Variants in GSTA1 observed in about 807,000 individuals in gnomAD.
GSTA1 encodes glutathione S-transferase A1.
Under a neutral mutation model 21.5 loss-of-function variants are expected in GSTA1, and 23 were observed. The observed-to-expected ratio is 1.07, with a 90% confidence interval of 0.77 to 1.52. GSTA1 has a LOEUF of 1.52. Among genes scored for constraint, GSTA1 ranks in the 40% most tolerant of loss-of-function variants. The probability of loss-of-function intolerance (pLI) is 0.00; values close to 1 mark genes in which losing one functional copy is unlikely to be tolerated. For synonymous variants in GSTA1, 125 were observed against 90.0 expected (o/e 1.39, Z -2.20); for missense variants, 301 against 264.2 (o/e 1.14, Z -0.96).
At chr6:52,803,257 A>T (rs1256691436) in intron 1 of GSTA1, among the ~76,000 whole-genome samples, 1 of 152,152 alleles carries the variant, frequency 6.6e-6, no homozygotes. Context: ...GAGTTGGTAG[A>T]ACTCCAGAGA....
At position 52,796,183 on chromosome 6, in the gene GSTA1, G is replaced by A; in HGVS notation, c.271C>T (p.Leu91=). ...LYGKDIKERA[L]IDMYIEGIAD... is the part of the protein sequence containing the mutation. ...GGAAGAACAGAAAATATACCGTACA[G>A]GGCTCTCTCCTTTATGTCTTTCCCA... Residue 91 remains leucine (L), a splice_region_variant and synonymous_variant, in exon 4 of 7, where the codon CTG becomes TTG. Transcript: ENST00000334575. 6.2e-7 allele frequency: 1 copy of A among 1,613,286 alleles called. No homozygotes were observed. The highest frequency in any genetic ancestry group is 1.3e-5 in the African/African-American group (1 of 74,938).
intron 1 of GSTA1, among the ~76,000 whole-genome samples, chr6:52,801,769 C>A (rs1310992760): frequency 6.6e-6 from 1 of 152,134 alleles, no homozygotes; most frequent in African/African-American, 2.4e-5. Flanking sequence ...TAGTCAATAT[C>A]TAGGGAGTGT....
intron 1 of GSTA1, among the ~76,000 whole-genome samples, chr6:52,799,682 T>C (rs1763667971): frequency 1.3e-5 from 2 of 152,242 alleles, no homozygotes; most frequent in African/African-American, 2.4e-5. Flanking sequence ...ACCCTCCTTA[T>C]AGTCCCGTGA....
chr6:52,795,593 G>A lies in GSTA1; in HGVS notation c.272+589C>T, dbSNP rs547457150. Among the ~76,000 whole-genome samples the A allele has an allele frequency of 9.2e-5, 14 of 152,232 alleles. No homozygotes were observed. The South Asian group carries it at 2.3e-3, about 25-fold the overall frequency. Reference sequence around the variant, plus strand: ...TCATGCAGTCTCATCACAACAGCAAGGAGACCCCTTGGTTTTGCTGGTATT... The same window carrying A: ...TCATGCAGTCTCATCACAACAGCAAAGAGACCCCTTGGTTTTGCTGGTATT... On this transcript the variant is annotated intron_variant, in intron 4 of 6. Transcript: ENST00000334575.
At chr6:52,799,396 C>G in intron 1 of GSTA1, 99 bp from the exon 2 acceptor site, 1 of 755,576 alleles carries the variant, frequency 1.3e-6, no homozygotes, top group Non-Finnish European at 2.1e-6. Flanking sequence ...TGAAGAAGAA[C>G]CTTCCTTCTT....
intron 1 of GSTA1, among the ~76,000 whole-genome samples, chr6:52,800,741 G>A (rs2127308003): frequency 6.6e-6 from 1 of 152,308 alleles, no homozygotes; most frequent in African/African-American, 2.4e-5. Context: ...AGGAGTTCCA[G>A]TGCCAAGACT....
Position 52,795,868 on chromosome 6 carries a change from G to A in GSTA1, c.272+314C>T, listed in dbSNP as rs1763563648. On this transcript the variant is annotated intron_variant, in intron 4 of 6. Transcript: ENST00000334575. The stretch of plus-strand genomic sequence containing the variant: ...GTCCTAAACTGTTGGCCAGAGTCGA[G>A]CCTCTGAAGTCCTGAGCACCTGGAA... Among the ~76,000 whole-genome samples the A allele has an allele frequency of 3.9e-5, 6 of 152,148 alleles. No homozygotes were observed. In the South Asian group the frequency reaches 1.2e-3, roughly 32 times the overall value.
At chr6:52,792,406 A>G (rs1251654429) in intron 6 of GSTA1, among the ~76,000 whole-genome samples, 1 of 152,194 alleles carries the variant, frequency 6.6e-6, no homozygotes, top group Non-Finnish European at 1.5e-5. Context: ...AGTGAGAGAT[A>G]CAGTGTGGGG....
intron 1 of GSTA1, among the ~76,000 whole-genome samples, chr6:52,803,579 T>G (rs1763765967): frequency 6.6e-6 from 1 of 152,168 alleles, no homozygotes; most frequent in African/African-American, 2.4e-5. Flanking sequence ...TTTTCTAAAT[T>G]CTTCATTTTT....
At chr6:52,795,114 T>TTC (rs1191125225) in intron 4 of GSTA1, among the ~76,000 whole-genome samples, 6 of 151,716 alleles carry the variant, frequency 4.0e-5, no homozygotes, top group Admixed American at 6.6e-5. Context: ...AGCAGTATTC[T>TTC]TTTTTCTCCA....
At chr6:52,793,032 G>A (rs774518310) in intron 5 of GSTA1, 45 bp from the exon 6 acceptor site, 14 of 1,612,984 alleles carry the variant, frequency 8.7e-6, no homozygotes, top group Non-Finnish European at 1.1e-5. Context: ...GCACACCCAG[G>A]CTAGGACCCC....
chr6:52,794,357 T>G, intron 4 of GSTA1, 91 bp from the exon 5 acceptor site: 1 of 1,323,370 alleles, frequency 7.6e-7, no homozygotes, highest in Admixed American at 2.2e-5. Context: ...TATCAGGTGA[T>G]GGCAAAATAA....
intron 5 of GSTA1, among the ~76,000 whole-genome samples, chr6:52,793,269 G>T (rs1763501846): frequency 6.6e-6 from 1 of 152,066 alleles, no homozygotes; most frequent in Non-Finnish European, 1.5e-5. Context: ...CATGGGCCAG[G>T]GGCTTAGCAC....
In GSTA1 at chr6:52,791,811, C is replaced by T. The variant is rs1244811844; in HGVS notation, c.*47G>A. 4 of 1,611,848 alleles carry T rather than the reference C, an allele frequency of 2.5e-6. No individual in the cohort carries two copies. The highest frequency in any genetic ancestry group is 3.4e-6 in the Non-Finnish European group (4 of 1,178,876). On this transcript the variant is annotated 3_prime_UTR_variant, in exon 7 of 7. Transcript: ENST00000334575. Reference sequence around the variant, plus strand: ...GGTAAAGTACTTTATTGTTGCAAAACTTTAGAACATTGGTATTGCAAGTTC... The same window carrying T: ...GGTAAAGTACTTTATTGTTGCAAAATTTTAGAACATTGGTATTGCAAGTTC...
At chr6:52,795,511 T>C (rs914536542) in intron 4 of GSTA1, among the ~76,000 whole-genome samples, 6 of 152,218 alleles carry the variant, frequency 3.9e-5, no homozygotes, top group African/African-American at 1.4e-4. Flanking sequence ...TCATTGGTAA[T>C]ACTATATTAA....
At chr6:52,796,858 A>T (rs1274409203) in intron 3 of GSTA1, among the ~76,000 whole-genome samples, 2 of 151,958 alleles carry the variant, frequency 1.3e-5, no homozygotes, top group Admixed American at 1.3e-4. Flanking sequence ...ATTTTTAAAA[A>T]GCTTCCTGTA....
rs191668218 is a variant in GSTA1 at position 52,799,302 on chromosome 6, A to G, written c.-30-5T>C. On this transcript the variant is annotated splice_region_variant and splice_polypyrimidine_tract_variant and intron_variant, in intron 1 of 6. Coordinates refer to ENST00000334575, the MANE Select transcript of GSTA1 (RefSeq NM_145740.5). ...CTCCTGGAGGTTTCTCTAAGCCTGA[A>G]TGAATGAATGAATGAATGAATAATT... 8 of 1,349,444 alleles carry G rather than the reference A, an allele frequency of 5.9e-6. No homozygotes were observed. In the East Asian group the frequency reaches 7.2e-5, roughly 12 times the overall value. 83.6% of individuals were successfully genotyped at this position (1,349,444 alleles called of 1,614,324 possible).
chr6:52,792,710 T>C, intron 6 of GSTA1, 146 bp downstream of exon 6: 1 of 1,589,108 alleles, frequency 6.3e-7, no homozygotes, highest in Non-Finnish European at 8.6e-7. Context: ...TCCTCAAAAT[T>C]GGAGCCTGGA....
chr6:52,802,527 T>A (rs766261968), intron 1 of GSTA1, among the ~76,000 whole-genome samples: 6 of 152,224 alleles, frequency 3.9e-5, no homozygotes, highest in Non-Finnish European at 7.3e-5. Flanking sequence ...GTCCCAGTGC[T>A]TGGAAGATGG....
Sources: gnomAD v4.1 joint callset for allele counts (sites outside exome capture counted in the v4.1 genomes callset) on GRCh38, gnomAD v4.1.1 for gene constraint, MANE v1.5 for transcripts, NCBI Gene and HGNC (gene_info 2026-07-23, HGNC 2026-07-21) for gene names.